Variants in LTBP1 observed in about 807,000 individuals in gnomAD.
LTBP1 encodes latent transforming growth factor beta binding protein 1.
Under a neutral mutation model 207.6 loss-of-function variants are expected in LTBP1, and 129 were observed. The ratio of observed to expected loss-of-function variants is 0.62; its 90% CI spans 0.54 to 0.72. The LOEUF (loss-of-function observed/expected upper bound fraction) is 0.72, where lower values mean the gene tolerates loss of function less well. LTBP1 is among the 30% of genes least tolerant of loss of function. The pLI, the probability that LTBP1 is intolerant of heterozygous loss-of-function variation, is 0.00. For missense variants in LTBP1, 2,281 were observed against 2,217.2 expected (o/e 1.03, Z -0.58); for synonymous variants, 963 against 833.7 (o/e 1.16, Z -2.67).
intron 31 of LTBP1, among the ~76,000 whole-genome samples, chr2:33,385,713 G>C (rs2095259799): frequency 6.6e-6 from 1 of 152,174 alleles, no homozygotes; most frequent in African/African-American, 2.4e-5. Flanking sequence ...TCCTGGCCAA[G>C]AATCAGGGCA....
chr2:33,021,766 T>C (rs1206808911), intron 3 of LTBP1, among the ~76,000 whole-genome samples: 1 of 152,182 alleles, frequency 6.6e-6, no homozygotes, highest in Non-Finnish European at 1.5e-5. Flanking sequence ...GTGAATGAGC[T>C]TGTTTTCTAT....
intron 3 of LTBP1, among the ~76,000 whole-genome samples, chr2:33,029,399 C>T (rs1413823030): frequency 1.3e-5 from 2 of 152,138 alleles, no homozygotes; most frequent in Non-Finnish European, 2.9e-5. Context: ...ATCTCTTGAA[C>T]CCGAGAGGTG....
intron 19 of LTBP1, among the ~76,000 whole-genome samples, chr2:33,288,854 CA>C (rs200975631): frequency 0.12 from 8,420 of 72,956 alleles, 219 homozygotes; most frequent in Middle Eastern, 0.23. Flanking sequence ...GACTCTGTCT[CA>C]AAAAAAAAAA....
intron 32 of LTBP1, among the ~76,000 whole-genome samples, chr2:33,396,159 A>G (rs2095356212): frequency 6.8e-6 from 1 of 146,076 alleles, no homozygotes; most frequent in African/African-American, 2.5e-5. Flanking sequence ...TTCCTTAAAA[A>G]AAAACTTTTG....
At chr2:33,050,721 A>C (rs993940143) in intron 3 of LTBP1, among the ~76,000 whole-genome samples, 3 of 151,358 alleles carry the variant, frequency 2.0e-5, no homozygotes, top group Non-Finnish European at 4.4e-5. Flanking sequence ...TGATCCTGGC[A>C]AATTATTGAA....
At chr2:33,036,456 G>GTT (rs58538593) in intron 3 of LTBP1, among the ~76,000 whole-genome samples, 73 of 148,612 alleles carry the variant, frequency 4.9e-4, no homozygotes, top group East Asian at 2.0e-3. Flanking sequence ...CATGATGAAC[G>GTT]TTTTTTTTTT....
At chr2:33,328,046 A>T in intron 24 of LTBP1, among the ~76,000 whole-genome samples, 1 of 151,672 alleles carries the variant, frequency 6.6e-6, no homozygotes, top group Admixed American at 6.6e-5. Flanking sequence ...GAGGCAGGAG[A>T]ATTGCTTGAA....
chr2:33,063,772 A>G (rs555203247), intron 3 of LTBP1, among the ~76,000 whole-genome samples: 3 of 152,052 alleles, frequency 2.0e-5, no homozygotes, highest in Non-Finnish European at 4.4e-5. Flanking sequence ...GTATATCTCT[A>G]CATTTATATA....
intron 3 of LTBP1, among the ~76,000 whole-genome samples, chr2:33,091,545 TC>T (rs543692098): frequency 7.9e-4 from 121 of 152,316 alleles, no homozygotes; most frequent in African/African-American, 2.8e-3. Flanking sequence ...TATCTTTGTA[TC>T]CTTGGCACAT....
intron 19 of LTBP1, among the ~76,000 whole-genome samples, chr2:33,286,454 T>C (rs1008300654): frequency 1.4e-4 from 22 of 152,236 alleles, no homozygotes; most frequent in African/African-American, 5.3e-4. Context: ...TGAATATTCA[T>C]AGACTAATCC....
intron 4 of LTBP1, among the ~76,000 whole-genome samples, chr2:33,115,065 C>CACAT (rs2080655438): frequency 1.3e-5 from 2 of 150,628 alleles, no homozygotes; most frequent in Admixed American, 6.7e-5. Flanking sequence ...CACACACACA[C>CACAT]ACACACACGT....
At position 33,001,946 on chromosome 2, in the gene LTBP1, G is replaced by A. The variant is rs1182937850; in HGVS notation, c.566-18963G>A. ...TCCATCCTTTCAGTCTTAGACGCTT[G>A]CAGAAAGCTGGCATGGTGGCAAGGC... On this transcript the variant is annotated intron_variant, in intron 2 of 33. Coordinates refer to ENST00000404816, the MANE Select transcript of LTBP1 (RefSeq NM_206943.4). Among the ~76,000 whole-genome samples the A allele has an allele frequency of 2.2e-5, 3 of 134,580 alleles. 1 individual carries two copies. The highest frequency in any genetic ancestry group is 4.9e-5 in the Non-Finnish European group (3 of 61,308). 88.3% of individuals were successfully genotyped at this position (134,580 alleles called of 152,430 possible). A position where few individuals can be genotyped will look rare whatever the true frequency, so the allele number is the denominator to read the frequency against.
At chr2:33,089,897 C>A (rs34071846) in intron 3 of LTBP1, among the ~76,000 whole-genome samples, 26,228 of 152,060 alleles carry the variant, frequency 0.17, 2,695 homozygotes, top group South Asian at 0.24. Context: ...CTGAGCAAGC[C>A]CTATTACTTG....
At chr2:33,092,241 C>A (rs1383854963) in intron 3 of LTBP1, among the ~76,000 whole-genome samples, 1 of 152,228 alleles carries the variant, frequency 6.6e-6, no homozygotes, top group Non-Finnish European at 1.5e-5. Flanking sequence ...CCAAGGCACC[C>A]AGAGACCCTG....
At chr2:32,953,447 C>T (rs189081237) in intron 2 of LTBP1, among the ~76,000 whole-genome samples, 12 of 152,332 alleles carry the variant, frequency 7.9e-5, no homozygotes, top group African/African-American at 1.4e-4. Flanking sequence ...AGGGCCACCC[C>T]GGCCCCCATG....
chr2:33,188,867 G>A lies in LTBP1; in HGVS notation c.1701+16G>A, dbSNP rs367873661. 2.2e-5 allele frequency: 36 copies of A among 1,612,420 alleles called. No homozygotes were observed. In the Middle Eastern group the frequency reaches 5.0e-4, roughly 22 times the overall value. Reference sequence around the variant, plus strand: ...TGGGTCACAGGTAAACATCATCACCGAGCCTGCTTTAGCAGTGTCTTACAG... The same window carrying A: ...TGGGTCACAGGTAAACATCATCACCAAGCCTGCTTTAGCAGTGTCTTACAG... On this transcript the variant is annotated intron_variant, in intron 7 of 33. Coordinates refer to ENST00000404816, the MANE Select transcript of LTBP1 (RefSeq NM_206943.4).
At position 33,188,811 on chromosome 2, in the gene LTBP1, C is replaced by G; in HGVS notation, c.1661C>G (p.Thr554Arg). 6.2e-7 allele frequency: 1 copy of G among 1,614,194 alleles called. No homozygotes were observed. The highest frequency in any genetic ancestry group is 8.5e-7 in the Non-Finnish European group (1 of 1,180,036). ...IPHVYPVAAK[T>R]QLGRCFQETI... is the part of the protein sequence containing the mutation. Reference sequence around the variant, plus strand: ...CACGTCTACCCCGTGGCTGCTAAGACACAGCTTGGCCGGTGCTTCCAGGAA... The same window carrying G: ...CACGTCTACCCCGTGGCTGCTAAGAGACAGCTTGGCCGGTGCTTCCAGGAA... Residue 554 changes from threonine to arginine, a missense_variant, in exon 7 of 34, where the codon ACA becomes AGA. Around this residue, in one of 3 missense-constraint regions of LTBP1, gnomAD observed 1,671 missense variants for 1,634.8 expected, o/e 1.02. Transcript: ENST00000404816.
chr2:33,148,958 T>C (rs1374236538), intron 5 of LTBP1, among the ~76,000 whole-genome samples: 3 of 152,116 alleles, frequency 2.0e-5, no homozygotes, highest in African/African-American at 7.2e-5. Flanking sequence ...CTCATGCCTG[T>C]AATCCCAGCA....
At chr2:33,341,843 C>A (rs2094629723) in intron 24 of LTBP1, among the ~76,000 whole-genome samples, 1 of 151,376 alleles carries the variant, frequency 6.6e-6, no homozygotes, top group African/African-American at 2.4e-5. Context: ...TTGAACTTGT[C>A]ATTTTCTTTA....
Sources: gnomAD v4.1 joint callset for allele counts (sites outside exome capture counted in the v4.1 genomes callset) on GRCh38, gnomAD v4.1.1 for gene constraint, gnomAD v4.1.1 regional missense constraint, MANE v1.5 for transcripts, NCBI Gene and HGNC (gene_info 2026-07-23, HGNC 2026-07-21) for gene names.